LGI2: variants seen among roughly 807,000 people sequenced by gnomAD.
LGI2 encodes the protein leucine rich repeat LGI family member 2.
In LGI2, 30 loss-of-function variants were observed where a neutral mutation model predicts 52.0. The observed-to-expected ratio is 0.58, with a 90% CI of 0.43 to 0.78. The LOEUF is 0.78. LGI2 is among the 30% of genes least tolerant of loss of function. The pLI, the probability that LGI2 is intolerant of heterozygous loss-of-function variation, is 0.00. For missense variants in LGI2, 573 were observed against 692.5 expected, an observed-to-expected ratio of 0.83 and a Z score of 1.94; for synonymous variants, 270 against 271.8, an observed-to-expected ratio of 0.99 and a Z score of 0.06.
chr4:24,993,668 T>C, the LGI2 span, among the ~76,000 whole-genome samples: 2 of 152,226 alleles, frequency 1.3e-5, no homozygotes, highest in Non-Finnish European at 2.9e-5. Context: ...AGCTAGCGTT[T>C]GTTTGAACTC....
In LGI2 at chr4:25,003,415, A is replaced by G. The variant is rs937349850; in HGVS notation, c.*36T>C. Reference sequence around the variant, plus strand: ...TTCTTGGTCCTCTTTTGTGAGAGCTAATGCTACATTTCTCTTAGTTTCACC... The same window carrying G: ...TTCTTGGTCCTCTTTTGTGAGAGCTGATGCTACATTTCTCTTAGTTTCACC... On this transcript the variant is annotated 3_prime_UTR_variant, in exon 8 of 8. Coordinates refer to ENST00000382114, the MANE Select transcript of LGI2 (RefSeq NM_018176.4). 3 of 1,401,636 alleles carry G rather than the reference A, an allele frequency of 2.1e-6. No individual in the cohort carries two copies. Among genetic ancestry groups the G allele is most frequent in the Non-Finnish European group, 2.9e-6 (3 of 1,028,484 alleles). 86.8% of individuals were successfully genotyped at this position (1,401,636 alleles called of 1,614,324 possible). A position where few individuals can be genotyped will look rare whatever the true frequency, so the allele number is the denominator to read the frequency against.
intron 7 of LGI2, 56 bp downstream of exon 7, chr4:25,012,279 G>T: frequency 6.3e-7 from 1 of 1,593,612 alleles, no homozygotes; most frequent in Non-Finnish European, 8.6e-7. Flanking sequence ...CTCCTCCCGC[G>T]GGCTTGCCGC....
At chr4:25,013,071 T>G (rs1167453597) in intron 6 of LGI2, among the ~76,000 whole-genome samples, 1 of 152,202 alleles carries the variant, frequency 6.6e-6, no homozygotes, top group Non-Finnish European at 1.5e-5. Context: ...TCAGAATGAA[T>G]GGTACACTCC....
At position 25,000,343 on chromosome 4, in the gene LGI2, A is replaced by G. The variant is rs1454366512; in HGVS notation, c.*3108T>C. 1 of 152,806 alleles carries G rather than the reference A, an allele frequency of 6.5e-6. No individual in the cohort carries two copies. The highest frequency in any genetic ancestry group is 1.5e-5 in the Non-Finnish European group (1 of 68,502). 9.5% of individuals were successfully genotyped at this position (152,806 alleles called of 1,614,324 possible). On this transcript the variant is annotated 3_prime_UTR_variant, in exon 8 of 8. Transcript: ENST00000382114. ...CCCTATTGGATAACCATGGCAGGCA[A>G]TTCATATAGTTTTCATGTCTATTTC... is the stretch of plus-strand genomic sequence containing the variant.
In LGI2 at chr4:25,004,264, C is replaced by T; in HGVS notation, c.825G>A (p.Gln275=). ...NFRSYDNITG[Q]SIVGCKAILI... The stretch of plus-strand genomic sequence containing the variant: ...GAATGGCCTTACAGCCCACGATGGA[C>T]TGACCTGTGCTCCAAAATAAAGGAG... Residue 275 remains glutamine, a synonymous_variant, in exon 8 of 8, where the codon CAG becomes CAA. Transcript: ENST00000382114. The surrounding 1 kb of genome is among the most constrained non-coding windows in gnomAD (Gnocchi z 4.6). 6.2e-7 allele frequency: 1 copy of T among 1,607,490 alleles called. No individual in the cohort carries two copies. The highest frequency in any genetic ancestry group is 8.5e-7 in the Non-Finnish European group (1 of 1,177,436).
chr4:25,030,400 T>G, intron 1 of LGI2, 97 bp downstream of exon 1: 1 of 1,332,602 alleles, frequency 7.5e-7, no homozygotes, highest in Non-Finnish European at 1.0e-6. Context: ...GGGGAGTGGG[T>G]CAGGGTCGCG....
intron 4 of LGI2, among the ~76,000 whole-genome samples, chr4:25,019,582 A>G (rs1472468614): frequency 6.6e-6 from 1 of 152,098 alleles, no homozygotes; most frequent in Admixed American, 6.6e-5. Context: ...AGGAGACCCC[A>G]TCTCATCGGT....
intron 7 of LGI2, among the ~76,000 whole-genome samples, chr4:25,005,689 G>A (rs1230364909): frequency 4.6e-5 from 7 of 152,084 alleles, no homozygotes; most frequent in Non-Finnish European, 8.8e-5. Flanking sequence ...GCAGGAGTGA[G>A]GTCTCAGAGG....
In LGI2 at chr4:24,999,850, T is replaced by C. The variant is rs1170578761; in HGVS notation, c.*3601A>G. 2.2e-6 allele frequency: 1 copy of C among 456,254 alleles called. No homozygotes were observed. Among genetic ancestry groups the C allele is most frequent in the South Asian group, 1.5e-5 (1 of 64,540 alleles). The allele number at this position is 456,254 out of a possible 1,614,324, so 28.3% of individuals were successfully genotyped here. ...GCTGATGACGGCCGAGAGCAATTCA[T>C]CACCACTCGTGCATTCAGGTTTTGA... On this transcript the variant is annotated 3_prime_UTR_variant, in exon 8 of 8. Transcript: ENST00000382114.
chr4:25,024,384 T>G (rs1726073372), intron 4 of LGI2, among the ~76,000 whole-genome samples: 1 of 152,166 alleles, frequency 6.6e-6, no homozygotes, highest in African/African-American at 2.4e-5. Context: ...CATAGTGGTG[T>G]GTACCTGTAA....
intron 1 of LGI2, among the ~76,000 whole-genome samples, chr4:25,029,669 C>T (rs996865983): frequency 5.3e-5 from 8 of 152,202 alleles, no homozygotes; most frequent in East Asian, 1.9e-4. Flanking sequence ...AAGCACCTCT[C>T]GGCAGGTGGA....
chr4:25,007,485 C>G (rs1181543327), intron 7 of LGI2, among the ~76,000 whole-genome samples: 1 of 151,950 alleles, frequency 6.6e-6, no homozygotes, highest in Non-Finnish European at 1.5e-5. Flanking sequence ...CTGTCACAGC[C>G]AAAGGACCGC....
chr4:24,994,750 C>G (rs1725010665), downstream of LGI2, among the ~76,000 whole-genome samples: 1 of 152,150 alleles, frequency 6.6e-6, no homozygotes, highest in Non-Finnish European at 1.5e-5. Flanking sequence ...ATATTCCCTA[C>G]TTCTCAAGGG....
chr4:25,010,358 C>T (rs1334899946), intron 7 of LGI2, among the ~76,000 whole-genome samples: 1 of 152,212 alleles, frequency 6.6e-6, no homozygotes, highest in Non-Finnish European at 1.5e-5. Context: ...CAGTGGGGTA[C>T]AACCATGAGA....
intron 2 of LGI2, among the ~76,000 whole-genome samples, chr4:25,027,458 A>G (rs530358758): frequency 7.1e-4 from 108 of 151,834 alleles, no homozygotes; most frequent in African/African-American, 2.4e-3. Flanking sequence ...GTAGTTTTCT[A>G]TTTGAGTCAT....
At chr4:25,009,071 T>C (rs930186638) in intron 7 of LGI2, among the ~76,000 whole-genome samples, 2 of 152,224 alleles carry the variant, frequency 1.3e-5, no homozygotes, top group African/African-American at 2.4e-5. Flanking sequence ...ACCCGGTAGC[T>C]GGACACAATC....
intron 4 of LGI2, among the ~76,000 whole-genome samples, chr4:25,021,406 G>A (rs1287918818): frequency 6.6e-6 from 1 of 152,186 alleles, no homozygotes; most frequent in Non-Finnish European, 1.5e-5. Flanking sequence ...CTATGCATGT[G>A]AGTCTGTAAG....
intron 6 of LGI2, among the ~76,000 whole-genome samples, chr4:25,015,594 T>C (rs1214848851): frequency 6.6e-6 from 1 of 152,100 alleles, no homozygotes; most frequent in Non-Finnish European, 1.5e-5. Flanking sequence ...AGGAAAACAA[T>C]CATATTCAGA....
Position 25,004,342 on chromosome 4 carries a change from C to T in LGI2, c.821-74G>A. The T allele has an allele frequency of 7.6e-7, 1 of 1,313,484 alleles. No individual in the cohort carries two copies. Among genetic ancestry groups the T allele is most frequent in the Non-Finnish European group, 1.1e-6 (1 of 950,012 alleles). The allele number at this position is 1,313,484 out of a possible 1,614,324, so 81.4% of individuals were successfully genotyped here. ...ACGCATCTCCGCTTGTACTCTTATA[C>T]ACTGCTGGTGGGAGTGTGAAATGGC... On this transcript the variant is annotated intron_variant, in intron 7 of 7. Transcript: ENST00000382114. The surrounding 1 kb of genome is among the most constrained non-coding windows in gnomAD (Gnocchi z 4.6).
Sources: gnomAD v4.1 joint callset for allele counts (sites outside exome capture counted in the v4.1 genomes callset) on GRCh38, gnomAD v4.1.1 for gene constraint, Gnocchi (gnomAD v3.1) non-coding constraint, MANE v1.5 for transcripts, NCBI Gene and HGNC (gene_info 2026-07-23, HGNC 2026-07-21) for gene names.